Variants in KTN1 observed in about 807,000 individuals in gnomAD.
KTN1 encodes the protein kinectin 1.
Under a neutral mutation model 222.5 loss-of-function variants are expected in KTN1, and 130 were observed. The observed-to-expected ratio is 0.58, with a 90% CI of 0.51 to 0.68. The LOEUF (loss-of-function observed/expected upper bound fraction) is 0.68, where lower values mean the gene tolerates loss of function less well. Ranked by LOEUF, KTN1 falls within the 30% of genes least tolerant of loss-of-function variation. The pLI, the probability that KTN1 is intolerant of heterozygous loss-of-function variation, is 0.00. For synonymous variants in KTN1, 512 were observed against 496.3 expected, an observed-to-expected ratio of 1.03 and a Z score of -0.42; for missense variants, 1,508 against 1,500.4, an observed-to-expected ratio of 1.01 and a Z score of -0.08.
intron 1 of KTN1, among the ~76,000 whole-genome samples, chr14:55,604,733 A>G (rs1237952692): frequency 6.6e-6 from 1 of 151,968 alleles, no homozygotes; most frequent in Non-Finnish European, 1.5e-5. Context: ...AATGAATAAT[A>G]AAGACTATTG....
At chr14:55,650,527 G>T (rs2141109247) in intron 23 of KTN1, 42 bp from the exon 24 acceptor site, 1 of 1,546,260 alleles carries the variant, frequency 6.5e-7, no homozygotes, top group Non-Finnish European at 8.9e-7. Context: ...GTCAATTTCT[G>T]TGTTTCCATT....
rs201218729 is a variant in KTN1 at position 55,660,566 on chromosome 14, AT to A, written c.2999+871del. On this transcript the variant is annotated intron_variant, in intron 31 of 43. Coordinates refer to ENST00000395314, the MANE Select transcript of KTN1 (RefSeq NM_001079521.2). ...TGATCTATCATTGGGAATATTGTTAATTTTTTTTCTTTTAATCTAAATGTTT... is the reference window on the plus strand; with the variant it reads ...TGATCTATCATTGGGAATATTGTTAATTTTTTTCTTTTAATCTAAATGTTT... Among the ~76,000 whole-genome samples, 369 of 151,660 alleles carry A rather than the reference AT, an allele frequency of 2.4e-3. 3 individuals are homozygous for A. Among genetic ancestry groups the A allele is most frequent in the African/African-American group, 8.5e-3 (351 of 41,322 alleles).
At chr14:55,631,656 C>G (rs954091187) in intron 7 of KTN1, among the ~76,000 whole-genome samples, 20 of 151,828 alleles carry the variant, frequency 1.3e-4, no homozygotes, top group African/African-American at 4.1e-4. Context: ...GGTGGCATGC[C>G]CATGGTCCCA....
chr14:55,631,009 C>G (rs2040440536), intron 7 of KTN1, among the ~76,000 whole-genome samples: 1 of 152,114 alleles, frequency 6.6e-6, no homozygotes, highest in Non-Finnish European at 1.5e-5. Flanking sequence ...CCTACCCTTT[C>G]ACCTGTCTTC....
At chr14:55,582,538 G>A (rs1175205122) in intron 1 of KTN1, among the ~76,000 whole-genome samples, 1 of 152,106 alleles carries the variant, frequency 6.6e-6, no homozygotes, top group Non-Finnish European at 1.5e-5. Flanking sequence ...AAGATGACAC[G>A]TAGAATACTG....
chr14:55,637,121 G>C, intron 10 of KTN1, 77 bp from the exon 11 acceptor site: 1 of 1,046,254 alleles, frequency 9.6e-7, no homozygotes, highest in Non-Finnish European at 1.4e-6. Context: ...CTAGAGGAGA[G>C]AATGCCTACA....
chr14:55,666,802 AT>A (rs1271382833), intron 33 of KTN1, among the ~76,000 whole-genome samples: 1 of 151,972 alleles, frequency 6.6e-6, no homozygotes, highest in Non-Finnish European at 1.5e-5. Context: ...CCATGATGTT[AT>A]ATAGTCCATC....
chr14:55,618,145 G>A lies in KTN1; in HGVS notation c.832+11G>A, dbSNP rs759043781. 1 of 1,594,684 alleles carries A rather than the reference G, an allele frequency of 6.3e-7. No homozygotes were observed. The highest frequency in any genetic ancestry group is 2.2e-5 in the East Asian group (1 of 44,510). Reference sequence around the variant, plus strand: ...CCGAAACTGACAAAGGTAATATATGGGATTTATAGTCTTTGTTGTACTATA... The same window carrying A: ...CCGAAACTGACAAAGGTAATATATGAGATTTATAGTCTTTGTTGTACTATA... On this transcript the variant is annotated intron_variant, in intron 4 of 43. Coordinates refer to ENST00000395314, the MANE Select transcript of KTN1 (RefSeq NM_001079521.2).
rs146545987 is a variant in KTN1 at position 55,679,658 on chromosome 14, A to G, written c.4042A>G (p.Lys1348Glu). The G allele has an allele frequency of 4.0e-5, 65 of 1,613,982 alleles. No homozygotes were observed. The African/African-American group carries it at 6.1e-4, about 15-fold the overall frequency. Residue 1348 changes from lysine (K) to glutamate (E), a missense_variant, in exon 43 of 44, where the codon AAG (lysine) becomes GAG (glutamate). Coordinates refer to ENST00000395314, the MANE Select transcript of KTN1 (RefSeq NM_001079521.2). Reference protein sequence around the residue: ...LLQAVNQQLTKEKEHYQVLE With the variant: ...LLQAVNQQLTEEKEHYQVLE ...TCAGGCGGTAAACCAACAGCTCACA[A>G]AGGAGAAAGAGCACTACCAGGTGTT... is the stretch of plus-strand genomic sequence containing the variant.
intron 1 of KTN1, among the ~76,000 whole-genome samples, chr14:55,586,958 A>G (rs574005328): frequency 6.6e-6 from 1 of 152,084 alleles, no homozygotes; most frequent in African/African-American, 2.4e-5. Flanking sequence ...CTCTGACCCT[A>G]CCTAAAAATG....
intron 2 of KTN1, among the ~76,000 whole-genome samples, chr14:55,613,428 TGAAAG>T (rs2037884921): frequency 6.6e-6 from 1 of 152,110 alleles, no homozygotes. Flanking sequence ...TTGTTTTATT[TGAAAG>T]GACTTGTATG....
chr14:55,648,988 C>G, intron 21 of KTN1, 118 bp downstream of exon 21: 1 of 675,236 alleles, frequency 1.5e-6, no homozygotes, highest in Non-Finnish European at 2.6e-6. Context: ...TGCAGTGGTA[C>G]AATCATAACT....
intron 29 of KTN1, chr14:55,656,454 GTTATATCA>G (rs2043483702): frequency 4.8e-6 from 1 of 209,018 alleles, no homozygotes; most frequent in African/African-American, 2.3e-5. Context: ...ATATTGGATG[GTTATATCA>G]TTTATTTTAT....
intron 17 of KTN1, 109 bp from the exon 18 acceptor site, chr14:55,641,583 T>G (rs529948487): frequency 1.3e-6 from 1 of 768,922 alleles, no homozygotes; most frequent in South Asian, 1.4e-5. Flanking sequence ...CCTGTCACTT[T>G]GAGGACTGAA....
intron 28 of KTN1, among the ~76,000 whole-genome samples, chr14:55,654,887 G>A (rs1239130997): frequency 6.6e-6 from 1 of 151,990 alleles, no homozygotes; most frequent in African/African-American, 2.4e-5. Flanking sequence ...AGCACCCCCC[G>A]GCAACCAATG....
Position 55,634,647 on chromosome 14 carries a change from A to T in KTN1, c.1450A>T (p.Thr484Ser). The part of the protein sequence containing the change: ...VQKKNAEQAA[T>S]QLKVQLQEAE... ...AAAGAAGAATGCTGAGCAAGCAGCT[A>T]CTCAGTTGAAGGTGATATATTCTCA... The change falls in exon 9 of 44, where the codon ACT (threonine) becomes TCT (serine). Residue 484 changes from threonine to serine, a missense_variant. Thr to Ser is a moderately conservative substitution (Grantham distance 58). Transcript: ENST00000395314. 6.2e-7 allele frequency: 1 copy of T among 1,612,418 alleles called. No homozygotes were observed. The highest frequency in any genetic ancestry group is 8.5e-7 in the Non-Finnish European group (1 of 1,179,306).
At chr14:55,608,547 G>T (rs1342237968) in intron 1 of KTN1, among the ~76,000 whole-genome samples, 1 of 151,718 alleles carries the variant, frequency 6.6e-6, no homozygotes, top group African/African-American at 2.4e-5. Flanking sequence ...CCTATACTTT[G>T]AGTTGATATT....
At position 55,684,341 on chromosome 14, in the gene KTN1, A is replaced by G. The variant is rs1444560288; in HGVS notation, c.*238A>G. 1 of 376,196 alleles carries G rather than the reference A, an allele frequency of 2.7e-6. No homozygotes were observed. The highest frequency in any genetic ancestry group is 3.9e-5 in the East Asian group (1 of 25,876). 23.3% of individuals were successfully genotyped at this position (376,196 alleles called of 1,614,324 possible). A position where few individuals can be genotyped will look rare whatever the true frequency, so the allele number is the denominator to read the frequency against. ...ACTGTTTGAATAATTAGACCTTTAC[A>G]TTCCTGAAGATAAACATGTAATCTT... On this transcript the variant is annotated 3_prime_UTR_variant, in exon 44 of 44. Transcript: ENST00000395314.
intron 30 of KTN1, among the ~76,000 whole-genome samples, chr14:55,659,258 T>C (rs1236592506): frequency 6.6e-6 from 1 of 152,002 alleles, no homozygotes; most frequent in Non-Finnish European, 1.5e-5. Context: ...TAAATAACTT[T>C]GTTAAACGTG....
Sources: gnomAD v4.1 joint callset for allele counts (sites outside exome capture counted in the v4.1 genomes callset) on GRCh38, gnomAD v4.1.1 for gene constraint, MANE v1.5 for transcripts, NCBI Gene and HGNC (gene_info 2026-07-23, HGNC 2026-07-21) for gene names.